The following MED12 variants were observed in gnomAD, a reference collection of about 807,000 sequenced individuals.
MED12 encodes mediator complex subunit 12.
MED12 carries 10 observed loss-of-function variants against 177.7 expected under a neutral mutation model. That is an observed-to-expected ratio of 0.06 (90% confidence interval 0.03 to 0.10). The LOEUF (loss-of-function observed/expected upper bound fraction) is 0.10. MED12 is among the 10% of genes least tolerant of loss of function. MED12 has a pLI of 1.00. For missense variants in MED12, 867 were observed against 1,780.8 expected (o/e 0.49, Z 9.23); for synonymous variants, 641 against 678.4 (o/e 0.94, Z 0.86).
In MED12 at chrX:71,128,652, G is replaced by A. The variant is rs1317457286; in HGVS notation, c.3409G>A (p.Ala1137Thr). The change falls in exon 24 of 45, where the codon GCT becomes ACT. Residue 1137 changes from alanine (A) to threonine (T), a missense_variant. This residue lies in a region of MED12 where 3 missense variants were observed against 55.9 expected (regional missense o/e 0.05). Coordinates refer to ENST00000374080, the MANE Select transcript of MED12 (RefSeq NM_005120.3). Reference protein sequence around the residue: ...SLATFVAILIARQCLLLEDLI... With the variant: ...SLATFVAILITRQCLLLEDLI... ...GGCTACTTTTGTTGCCATCCTCATC[G>A]CTCGGCAGTGTTTGCTCCTGGAAGA... 4 of 1,208,303 alleles carry A rather than the reference G, an allele frequency of 3.3e-6. No homozygotes were observed. Among genetic ancestry groups the A allele is most frequent in the East Asian group, 3.0e-5 (1 of 33,745 alleles).
chrX:71,132,665 CA>C, intron 31 of MED12, 127 bp downstream of exon 31: 1 of 917,537 alleles, frequency 1.1e-6, no homozygotes, highest in Admixed American at 2.7e-5. Flanking sequence ...TAAGAGTGGG[CA>C]TGGCTGAGCA....
At position 71,127,738 on chromosome X, in the gene MED12, C is replaced by T. The variant is rs767317147; in HGVS notation, c.2982-155C>T. On this transcript the variant is annotated intron_variant, in intron 21 of 44. Coordinates refer to ENST00000374080, the MANE Select transcript of MED12 (RefSeq NM_005120.3). Reference sequence around the variant, plus strand: ...TTCCTTATTCCCATGTGGTTCCTTTCCTGCCCAGTCTGTTTTGTCCCATCT... The same window carrying T: ...TTCCTTATTCCCATGTGGTTCCTTTTCTGCCCAGTCTGTTTTGTCCCATCT... The T allele has an allele frequency of 9.6e-6, 5 of 518,350 alleles. No homozygotes were observed. In the African/African-American group the frequency reaches 1.2e-4, roughly 12 times the overall value. 42.7% of individuals were successfully genotyped at this position (518,350 alleles called of 1,213,427 possible). A position where few individuals can be genotyped will look rare whatever the true frequency, so the allele number is the denominator to read the frequency against.
chrX:71,135,792 T>A (rs764989356), intron 36 of MED12, among the ~76,000 whole-genome samples: 18 of 111,431 alleles, frequency 1.6e-4, no homozygotes, highest in Non-Finnish European at 3.2e-4. Context: ...GTCTGACTCG[T>A]TTGCCTTTCT....
chrX:71,121,960 G>A, intron 7 of MED12, 144 bp downstream of exon 7: 1 of 966,471 alleles, frequency 1.0e-6, no homozygotes, highest in Non-Finnish European at 1.4e-6. Flanking sequence ...TCTTGGTAAT[G>A]GGGTGTTAGT....
chrX:71,124,635 A>G, intron 13 of MED12, 129 bp from the exon 14 acceptor site: 1 of 574,455 alleles, frequency 1.7e-6, no homozygotes, highest in Non-Finnish European at 3.0e-6. Context: ...TGATTGGATG[A>G]GGCTTGACTC....
intron 29 of MED12, 136 bp from the exon 30 acceptor site, chrX:71,131,937 C>A: frequency 1.7e-6 from 1 of 585,856 alleles, no homozygotes; most frequent in Non-Finnish European, 2.9e-6. Context: ...TGATTCCCAA[C>A]AGAGTTGCGT....
At chrX:71,135,522 C>T (rs183416936) in intron 36 of MED12, among the ~76,000 whole-genome samples, 113 of 111,392 alleles carry the variant, frequency 1.0e-3, no homozygotes, top group African/African-American at 3.4e-3. Context: ...CCTCTTTCCT[C>T]TGCTCCACCT....
intron 18 of MED12, 41 bp from the exon 19 acceptor site, chrX:71,126,300 T>C: frequency 8.3e-7 from 1 of 1,208,959 alleles, no homozygotes; most frequent in Non-Finnish European, 1.1e-6. Flanking sequence ...CCTGGTTCTT[T>C]CCTCTCTCCA....
At chrX:71,134,955 C>CAAA in intron 35 of MED12, 107 bp downstream of exon 35, 3 of 1,164,098 alleles carry the variant, frequency 2.6e-6, no homozygotes, top group Non-Finnish European at 3.5e-6. Flanking sequence ...TCACGTCTGC[C>CAAA]TTTTCTTTGT....
chrX:71,134,591 T>G, intron 34 of MED12, 122 bp from the exon 35 acceptor site: 2 of 1,039,219 alleles, frequency 1.9e-6, no homozygotes, highest in Non-Finnish European at 2.7e-6. Context: ...GGGCTCCCCA[T>G]ACAGTTTTGG....
At chrX:71,119,530 G>T in intron 2 of MED12, 53 bp downstream of exon 2, 1 of 1,116,515 alleles carries the variant, frequency 9.0e-7, no homozygotes. Context: ...CTAAGAAGGA[G>T]CAAAGGCCCT....
intron 17 of MED12, 64 bp downstream of exon 17, chrX:71,125,777 C>T (rs903101505): frequency 5.1e-6 from 5 of 989,455 alleles, no homozygotes; most frequent in Non-Finnish European, 7.2e-6. Context: ...AACCTAGCAC[C>T]TCCCTGTACA....
chrX:71,119,599 A>C, intron 2 of MED12, 87 bp from the exon 3 acceptor site: 1 of 1,113,397 alleles, frequency 9.0e-7, no homozygotes, highest in Non-Finnish European at 1.2e-6. Flanking sequence ...ATGACCTAAT[A>C]CTATCTCATT....
chrX:71,136,343 G>A lies in MED12; in HGVS notation c.5088G>A (p.Pro1696=), dbSNP rs202167558. The A allele has an allele frequency of 9.9e-6, 12 of 1,209,364 alleles. No homozygotes were observed. The highest frequency in any genetic ancestry group is 5.3e-5 in the African/African-American group (3 of 57,030). The change falls in exon 37 of 45, where the codon CCG becomes CCA. Residue 1696 remains proline, a synonymous_variant. Transcript: ENST00000374080. ...SPWDLFEGLK[P]SAPLSWGWFG... ...GGGATCTTTTTGAGGGGTTGAAGCC[G>A]TCAGCACCACTCTCTTGGGGCTGGT... is the stretch of plus-strand genomic sequence containing the variant.
intron 17 of MED12, 146 bp from the exon 18 acceptor site, chrX:71,125,890 G>A: frequency 1.8e-6 from 1 of 569,997 alleles, no homozygotes; most frequent in Non-Finnish European, 3.0e-6. Context: ...TCCCTTCCCT[G>A]TTTCCCTCTT....
intron 29 of MED12, among the ~76,000 whole-genome samples, 177 bp downstream of exon 29, chrX:71,131,798 G>A (rs1346218647): frequency 9.0e-6 from 1 of 111,478 alleles, no homozygotes; most frequent in East Asian, 2.8e-4. Context: ...GGTTGAGAGT[G>A]TTGGAGCTCT....
Position 71,128,124 on chromosome X carries a change from T to C in MED12, c.3209+4T>C, listed in dbSNP as rs1186823223. ...TGGGGCACCATGATCCCGATAGGTA[T>C]GGGGTGTACTGAGTGAGGAAGGGCA... On this transcript the variant is annotated splice_donor_region_variant and intron_variant, in intron 22 of 44. Coordinates refer to ENST00000374080, the MANE Select transcript of MED12 (RefSeq NM_005120.3). The C allele has an allele frequency of 8.3e-7, 1 of 1,202,768 alleles. No homozygotes were observed. Among genetic ancestry groups the C allele is most frequent in the African/African-American group, 1.8e-5 (1 of 56,917 alleles).
rs1157653442 is a variant in MED12, at chrX:71,137,099, A to T, written c.5551+70A>T. The T allele has an allele frequency of 1.7e-5, 20 of 1,189,197 alleles. No individual in the cohort carries two copies. In the Admixed American group the frequency reaches 4.6e-4, roughly 27 times the overall value. ...CTCCCCCTGCCCAAAGGATGATGCC[A>T]TTCCCCTGAGGAGCTATGGATGTCA... On this transcript the variant is annotated intron_variant, in intron 38 of 44. Coordinates refer to ENST00000374080, the MANE Select transcript of MED12 (RefSeq NM_005120.3).
At chrX:71,135,337 C>T in intron 36 of MED12, 84 bp downstream of exon 36, 1 of 1,044,603 alleles carries the variant, frequency 9.6e-7, no homozygotes, top group Admixed American at 2.2e-5. Context: ...GTAGCTCCAA[C>T]AGACTCATCA....
Sources: gnomAD v4.1 joint callset for allele counts (sites outside exome capture counted in the v4.1 genomes callset) on GRCh38, gnomAD v4.1.1 for gene constraint, gnomAD v4.1.1 regional missense constraint, MANE v1.5 for transcripts, NCBI Gene and HGNC (gene_info 2026-07-23, HGNC 2026-07-21) for gene names.